The following SEMA6D variants were observed in gnomAD, a reference collection of about 807,000 sequenced individuals.
SEMA6D encodes the protein semaphorin-6D.
Under a neutral mutation model 106.6 loss-of-function variants are expected in SEMA6D, and 35 were observed. The observed-to-expected ratio is 0.33, with a 90% CI of 0.25 to 0.44. The LOEUF is 0.44. SEMA6D is among the 20% of genes least tolerant of loss of function. The pLI, the probability that SEMA6D is intolerant of heterozygous loss-of-function variation, is 1.00. For missense variants in SEMA6D, 1,185 were observed against 1,345.9 expected (o/e 0.88, Z 1.87); for synonymous variants, 499 against 487.7 (o/e 1.02, Z -0.31).
chr15:47,418,835 GT>G (rs1044213389), intron 2 of SEMA6D, among the ~76,000 whole-genome samples: 2 of 152,120 alleles, frequency 1.3e-5, no homozygotes, highest in East Asian at 1.9e-4. Context: ...AACAGGAAAG[GT>G]GTGGATAGGT....
At chr15:47,443,561 C>G (rs947261718) in intron 2 of SEMA6D, among the ~76,000 whole-genome samples, 1 of 152,066 alleles carries the variant, frequency 6.6e-6, no homozygotes, top group Non-Finnish European at 1.5e-5. Context: ...ATGAGAGACT[C>G]CAGCCAGAAC....
At chr15:47,425,936 T>C (rs2041323032) in intron 2 of SEMA6D, among the ~76,000 whole-genome samples, 1 of 152,150 alleles carries the variant, frequency 6.6e-6, no homozygotes, top group Non-Finnish European at 1.5e-5. Flanking sequence ...TTACTTTTAA[T>C]CATTTTCTGC....
At chr15:47,486,234 T>C (rs2043292337) in intron 3 of SEMA6D, among the ~76,000 whole-genome samples, 1 of 152,164 alleles carries the variant, frequency 6.6e-6, no homozygotes. Context: ...CACTAATATT[T>C]TCCATCCGTG....
chr15:47,552,520 A>G (rs994129974), intron 3 of SEMA6D, among the ~76,000 whole-genome samples: 2 of 57,932 alleles, frequency 3.5e-5, no homozygotes, highest in African/African-American at 7.6e-5. Context: ...GTGTATATAT[A>G]TGTATACACA....
chr15:47,549,881 A>C, intron 3 of SEMA6D, among the ~76,000 whole-genome samples: 1 of 152,198 alleles, frequency 6.6e-6, no homozygotes, highest in Non-Finnish European at 1.5e-5. Flanking sequence ...CATTCCTTGG[A>C]TTAAAGTCCC....
intron 4 of SEMA6D, among the ~76,000 whole-genome samples, chr15:47,608,079 A>G (rs10775135): frequency 0.82 from 124,422 of 152,170 alleles, 51,239 homozygotes; most frequent in Middle Eastern, 0.87. Flanking sequence ...ACATGTAAAC[A>G]AAGACTGTTC....
intron 4 of SEMA6D, among the ~76,000 whole-genome samples, chr15:47,635,087 G>A (rs933230892): frequency 1.3e-5 from 2 of 152,110 alleles, no homozygotes; most frequent in Non-Finnish European, 2.9e-5. Context: ...GGAAACCAGA[G>A]AACTCCCCAC....
chr15:47,528,821 G>A (rs1364520566), intron 3 of SEMA6D, among the ~76,000 whole-genome samples: 6 of 152,066 alleles, frequency 3.9e-5, no homozygotes, highest in Admixed American at 3.9e-4. Flanking sequence ...TCAATTCAGG[G>A]GTAAGGGGCA....
At position 47,298,260 on chromosome 15, in the gene SEMA6D, C is replaced by G. The variant is rs985836759; in HGVS notation, c.-239+113842C>G. ...CCATCTCCTAGCCCTGTGGAGCTCC[C>G]AGGTGTGGTTGTCAGTGACCGACTT... On this transcript the variant is annotated intron_variant, in intron 1 of 19. Coordinates refer to the SEMA6D transcript ENST00000558014. Among the ~76,000 whole-genome samples, 17 of 152,178 alleles carry G rather than the reference C, an allele frequency of 1.1e-4. No individual in the cohort carries two copies. The East Asian group carries it at 1.4e-3, about 12-fold the overall frequency.
At chr15:47,575,305 G>T (rs1158240599) in intron 3 of SEMA6D, among the ~76,000 whole-genome samples, 2 of 152,092 alleles carry the variant, frequency 1.3e-5, no homozygotes, top group African/African-American at 4.8e-5. Flanking sequence ...AGGCAGGGAG[G>T]GGGTAGAAAC....
At chr15:47,480,896 C>A (rs1336398707) in intron 3 of SEMA6D, among the ~76,000 whole-genome samples, 1 of 152,152 alleles carries the variant, frequency 6.6e-6, no homozygotes, top group Non-Finnish European at 1.5e-5. Flanking sequence ...GTGGATATCA[C>A]CTCTTCCAGA....
At chr15:47,357,775 A>G (rs2038644298) in intron 1 of SEMA6D, among the ~76,000 whole-genome samples, 1 of 152,136 alleles carries the variant, frequency 6.6e-6, no homozygotes, top group African/African-American at 2.4e-5. Flanking sequence ...AAGGATCAAT[A>G]CTTGCATCCT....
chr15:47,493,670 T>C (rs530030612), intron 3 of SEMA6D, among the ~76,000 whole-genome samples: 1 of 152,308 alleles, frequency 6.6e-6, no homozygotes, highest in Admixed American at 6.5e-5. Flanking sequence ...GTTTCATGTG[T>C]ATTATTTCAC....
At chr15:47,395,485 C>T (rs748961168) in intron 1 of SEMA6D, 1 of 152,154 alleles carries the variant, frequency 6.6e-6, no homozygotes, top group Non-Finnish European at 1.5e-5. Context: ...GTTGGAAAGA[C>T]CCTTCGTTAA....
intron 1 of SEMA6D, among the ~76,000 whole-genome samples, chr15:47,227,127 A>G (rs1490648124): frequency 6.6e-6 from 1 of 152,106 alleles, no homozygotes; most frequent in Non-Finnish European, 1.5e-5. Flanking sequence ...GCTTGAACAC[A>G]TGATTATCAT....
At chr15:47,650,814 A>T (rs966684712) in intron 4 of SEMA6D, among the ~76,000 whole-genome samples, 1 of 152,210 alleles carries the variant, frequency 6.6e-6, no homozygotes, top group Admixed American at 6.5e-5. Context: ...TGCTCAATTC[A>T]TACTACCCCA....
chr15:47,441,188 C>T (rs2041870697), intron 2 of SEMA6D, among the ~76,000 whole-genome samples: 1 of 152,046 alleles, frequency 6.6e-6, no homozygotes, highest in South Asian at 2.1e-4. Context: ...AAATAGATCA[C>T]CTGTCCTTCC....
intron 1 of SEMA6D, among the ~76,000 whole-genome samples, chr15:47,210,182 T>C (rs1194246042): frequency 1.3e-5 from 2 of 152,200 alleles, no homozygotes; most frequent in Non-Finnish European, 2.9e-5. Flanking sequence ...CACTAGCTTT[T>C]ACTGTATGTC....
intron 1 of SEMA6D, among the ~76,000 whole-genome samples, chr15:47,314,930 A>G (rs1223018717): frequency 7.6e-6 from 1 of 130,808 alleles, no homozygotes; most frequent in African/African-American, 3.0e-5. Flanking sequence ...CAGTGGCGCA[A>G]TCTCGGCTCA....
Sources: allele counts gnomAD v4.1 joint callset (sites outside exome capture counted in the v4.1 genomes callset), GRCh38; gene constraint gnomAD v4.1.1; transcripts MANE v1.5; gene names NCBI Gene and HGNC (gene_info 2026-07-23, HGNC 2026-07-21).